Variants in TRAPPC9 observed in about 807,000 individuals in gnomAD.
TRAPPC9 encodes IKK2 binding protein.
A neutral mutation model predicts 124.0 loss-of-function variants in TRAPPC9; 83 were observed. That is an observed-to-expected ratio of 0.67 (90% CI 0.56 to 0.80). TRAPPC9 has a LOEUF of 0.80. Among genes scored for constraint, TRAPPC9 ranks in the 30% least tolerant of loss-of-function variants. The pLI is 0.00. For synonymous variants in TRAPPC9, 638 were observed against 617.5 expected (o/e 1.03, Z -0.49); for missense variants, 1,302 against 1,508.3 (o/e 0.86, Z 2.27).
rs1440861653 is a variant in TRAPPC9 at position 140,260,310 on chromosome 8, G to A, written c.2279-7381C>T. Among the ~76,000 whole-genome samples, 5 of 152,136 alleles carry A rather than the reference G, an allele frequency of 3.3e-5. 1 individual carries two copies. Among genetic ancestry groups the A allele is most frequent in the African/African-American group, 1.2e-4 (5 of 41,432 alleles). ...GTGGCTCGAGAGTGAAGTGGGTTCT[G>A]AGCCAATGGTGATGCTTTCTATGGT... On this transcript the variant is annotated intron_variant, in intron 15 of 22. Coordinates refer to ENST00000438773, the MANE Select transcript of TRAPPC9 (RefSeq NM_001160372.4).
chr8:139,825,467 G>C lies in TRAPPC9; in HGVS notation c.3055+60412C>G, dbSNP rs1163382251. Among the ~76,000 whole-genome samples, 1 of 152,230 alleles carries C rather than the reference G, an allele frequency of 6.6e-6. No individual in the cohort carries two copies. Among genetic ancestry groups the C allele is most frequent in the East Asian group, 1.9e-4 (1 of 5,192 alleles). On this transcript the variant is annotated intron_variant, in intron 21 of 22. Transcript: ENST00000438773. This position sits in a 1 kb window ranked among gnomAD's most constrained non-coding sequence, Gnocchi z 4.6. ...CCGGGCGCCGGATGGATGGGCACCA[G>C]GGCCAGGTGGGGGCTGCATGGGTCC...
intron 9 of TRAPPC9, among the ~76,000 whole-genome samples, chr8:140,339,656 C>T (rs990715000): frequency 9.2e-5 from 14 of 152,178 alleles, no homozygotes; most frequent in African/African-American, 2.9e-4. Context: ...AGCCTGCATG[C>T]CCTTTTCCAG....
At chr8:139,835,101 G>A (rs1015934995) in intron 21 of TRAPPC9, among the ~76,000 whole-genome samples, 1 of 152,140 alleles carries the variant, frequency 6.6e-6, no homozygotes, top group East Asian at 1.9e-4. Context: ...CTGGGTTTTC[G>A]CTGTTAATGA....
chr8:140,021,299 A>G (rs1411104840), intron 18 of TRAPPC9, among the ~76,000 whole-genome samples: 3 of 152,168 alleles, frequency 2.0e-5, no homozygotes, highest in African/African-American at 7.2e-5. Context: ...GTTTGCATGT[A>G]TCTTTAGCTG....
At chr8:139,733,086 T>C (rs532817640) in intron 21 of TRAPPC9, among the ~76,000 whole-genome samples, 11 of 152,070 alleles carry the variant, frequency 7.2e-5, no homozygotes, top group Non-Finnish European at 4.4e-5. Context: ...CGTGAGAATG[T>C]GACCGTATTG....
intron 20 of TRAPPC9, among the ~76,000 whole-genome samples, chr8:139,889,745 C>T (rs1444651087): frequency 6.6e-6 from 1 of 152,180 alleles, no homozygotes; most frequent in African/African-American, 2.4e-5. Flanking sequence ...ACTGAGAAAT[C>T]TCGCAGGGTA....
At chr8:139,934,626 C>G (rs1833397196) in intron 19 of TRAPPC9, among the ~76,000 whole-genome samples, 1 of 152,222 alleles carries the variant, frequency 6.6e-6, no homozygotes, top group African/African-American at 2.4e-5. Context: ...CTTCCACCTT[C>G]AGGAAACTGC....
intron 21 of TRAPPC9, among the ~76,000 whole-genome samples, chr8:139,831,847 G>A (rs774851985): frequency 1.3e-5 from 2 of 152,254 alleles, no homozygotes; most frequent in Non-Finnish European, 2.9e-5. Flanking sequence ...TAGGGAGAGC[G>A]GAAGGCTGCC....
At chr8:140,203,094 T>C (rs533952423) in intron 17 of TRAPPC9, among the ~76,000 whole-genome samples, 1 of 152,346 alleles carries the variant, frequency 6.6e-6, no homozygotes, top group African/African-American at 2.4e-5. Context: ...TACCTTGTTA[T>C]AATAAAATCT....
At chr8:140,145,333 G>A (rs1032553945) in intron 17 of TRAPPC9, among the ~76,000 whole-genome samples, 1 of 151,660 alleles carries the variant, frequency 6.6e-6, no homozygotes, top group Non-Finnish European at 1.5e-5. Context: ...ATTCCAAGCA[G>A]AAGCATTGAT....
chr8:140,331,813 A>C (rs2066901626), intron 9 of TRAPPC9, among the ~76,000 whole-genome samples: 1 of 152,204 alleles, frequency 6.6e-6, no homozygotes, highest in Non-Finnish European at 1.5e-5. Context: ...TGTGATCAAA[A>C]AGACAAAGGA....
At chr8:139,906,474 A>T (rs1158463646) in intron 20 of TRAPPC9, among the ~76,000 whole-genome samples, 1 of 152,114 alleles carries the variant, frequency 6.6e-6, no homozygotes, top group African/African-American at 2.4e-5. Context: ...GTGGGGTCTG[A>T]GGGAGGGGAC....
At chr8:139,739,949 T>C (rs1818445563) in intron 21 of TRAPPC9, among the ~76,000 whole-genome samples, 1 of 152,154 alleles carries the variant, frequency 6.6e-6, no homozygotes, top group African/African-American at 2.4e-5. Context: ...TGGGGTCAGG[T>C]ACCCAGGTTT....
intron 17 of TRAPPC9, among the ~76,000 whole-genome samples, chr8:140,051,223 C>T (rs746782038): frequency 9.9e-5 from 15 of 152,216 alleles, no homozygotes; most frequent in Admixed American, 4.6e-4. Flanking sequence ...CCTTTAAAAT[C>T]AGGGCCACAG....
chr8:139,822,505 T>C (rs1251668299), intron 21 of TRAPPC9, among the ~76,000 whole-genome samples: 4 of 152,254 alleles, frequency 2.6e-5, no homozygotes, highest in Admixed American at 2.0e-4. Flanking sequence ...GGCCTGTGTA[T>C]TGACACCCTA....
At chr8:139,959,176 T>C (rs1053359339) in intron 19 of TRAPPC9, among the ~76,000 whole-genome samples, 1 of 152,122 alleles carries the variant, frequency 6.6e-6, no homozygotes, top group African/African-American at 2.4e-5. Flanking sequence ...TTAACCACAG[T>C]TACCCGTGTG....
intron 17 of TRAPPC9, among the ~76,000 whole-genome samples, chr8:140,174,385 T>TA (rs11428278): frequency 0.38 from 57,607 of 151,770 alleles, 11,417 homozygotes; most frequent in South Asian, 0.47. Flanking sequence ...ACGTAAAAGT[T>TA]AAAAAATAAA....
intron 17 of TRAPPC9, among the ~76,000 whole-genome samples, chr8:140,054,402 T>C (rs903903806): frequency 2.0e-5 from 3 of 151,990 alleles, no homozygotes; most frequent in African/African-American, 7.2e-5. Context: ...CCAAAACCTA[T>C]GGGATGCAGG....
At chr8:139,919,976 G>GTGGGTTTT (rs1220803687) in intron 19 of TRAPPC9, among the ~76,000 whole-genome samples, 1 of 152,232 alleles carries the variant, frequency 6.6e-6, no homozygotes, top group African/African-American at 2.4e-5. Context: ...GTCTGTAACG[G>GTGGGTTTT]TGGGTTTTTG....
Sources: gnomAD v4.1 joint callset for allele counts (sites outside exome capture counted in the v4.1 genomes callset) on GRCh38, gnomAD v4.1.1 for gene constraint, Gnocchi (gnomAD v3.1) non-coding constraint, MANE v1.5 for transcripts, NCBI Gene and HGNC (gene_info 2026-07-23, HGNC 2026-07-21) for gene names.